The following BSG variants were observed in gnomAD, a reference collection of about 807,000 sequenced individuals.
The protein encoded by BSG is basigin (Ok blood group).
Under a neutral mutation model 43.1 loss-of-function variants are expected in BSG, and 37 were observed. That is an observed-to-expected ratio of 0.86 (90% CI 0.66 to 1.13). BSG has a LOEUF of 1.13. BSG is among the 50% of genes most tolerant of loss of function. The probability of loss-of-function intolerance (pLI) is 0.00; values close to 1 mark genes in which losing one functional copy is unlikely to be tolerated. For missense variants in BSG, 599 were observed against 554.2 expected, an observed-to-expected ratio of 1.08 and a Z score of -0.81; for synonymous variants, 309 against 238.7, an observed-to-expected ratio of 1.29 and a Z score of -2.72.
intron 1 of BSG, among the ~76,000 whole-genome samples, chr19:575,859 G>A (rs991002747): frequency 3.9e-5 from 6 of 151,992 alleles, no homozygotes; most frequent in Admixed American, 6.5e-5. Flanking sequence ...CTCCTGGTGC[G>A]GCGGGCGAGA....
chr19:578,823 C>A (rs771859930), intron 2 of BSG: 1 of 351,704 alleles, frequency 2.8e-6, no homozygotes, highest in Non-Finnish European at 5.6e-6. Context: ...TTCCGCCTCC[C>A]GGGTTCAAGC....
Position 580,728 on chromosome 19 carries a change from C to T in BSG, c.738C>T (p.Ser246=), listed in dbSNP as rs565486775. The part of the protein sequence containing the change: ...ETAMLVCKSE[S]VPPVTDWAWY... ...CCATGCTGGTCTGCAAGTCAGAGTC[C>T]GTGCCACCTGTCACTGACTGGGCCT... Residue 246 remains serine, a synonymous_variant, in exon 5 of 9, where the codon TCC becomes TCT. Coordinates refer to ENST00000333511, the MANE Select transcript of BSG (RefSeq NM_001728.4). 8 of 1,612,718 alleles carry T rather than the reference C, an allele frequency of 5.0e-6. No individual in the cohort carries two copies. The African/African-American group carries it at 8.0e-5, about 16-fold the overall frequency.
chr19:580,783 G>T lies in BSG; in HGVS notation c.792+1G>T. The T allele has an allele frequency of 6.2e-7, 1 of 1,612,776 alleles. No homozygotes were observed. On this transcript the variant is annotated splice_donor_variant, in intron 5 of 8. Transcript: ENST00000333511. LOFTEE classifies it high-confidence loss of function. ...CAAGATCACTGACTCTGAGGACAAG[G>T]TGAGAAGCCAAGGAGGCTGGGGGTC...
chr19:572,868 A>G (rs573330257), intron 1 of BSG, among the ~76,000 whole-genome samples, 167 bp downstream of exon 1: 2 of 152,058 alleles, frequency 1.3e-5, no homozygotes, highest in African/African-American at 4.8e-5. Context: ...TTGGGGGTGA[A>G]GTCCCAGGGT....
intron 1 of BSG, among the ~76,000 whole-genome samples, chr19:573,008 C>T (rs1981413180): frequency 6.6e-6 from 1 of 151,958 alleles, no homozygotes; most frequent in Non-Finnish European, 1.5e-5. Context: ...GGGTCCTGGC[C>T]AGGCCGGTCT....
chr19:579,462 C>A, intron 2 of BSG, 38 bp from the exon 3 acceptor site: 1 of 1,610,438 alleles, frequency 6.2e-7, no homozygotes, highest in South Asian at 1.1e-5. Context: ...GGGCCGTGCT[C>A]CTCCACTCTG....
At chr19:571,314 A>AGCCCTTCGCGTTCG (rs28989768), upstream of BSG, 575 of 587,344 alleles carry the variant, frequency 9.8e-4, 4 homozygotes, top group African/African-American at 7.9e-3. Flanking sequence ...CTTTCCAGTT[A>AGCCCTTCGCGTTCG]GCCCTTCGCG....
At chr19:580,249 T>C (rs1450789840) in intron 3 of BSG, 130 bp from the exon 4 acceptor site, 4 of 786,038 alleles carry the variant, frequency 5.1e-6, no homozygotes, top group African/African-American at 3.5e-5. Context: ...AGGAGTTCTT[T>C]TGAGGTTCAG....
upstream of BSG, among the ~76,000 whole-genome samples, chr19:571,899 T>A (rs1327331017): frequency 6.6e-6 from 1 of 151,992 alleles, no homozygotes; most frequent in Non-Finnish European, 1.5e-5. Context: ...GGGGGTAAGG[T>A]TGATTGACAA....
At chr19:572,751 G>T in intron 1 of BSG, 50 bp downstream of exon 1, 1 of 1,392,202 alleles carries the variant, frequency 7.2e-7, no homozygotes, top group Non-Finnish European at 9.4e-7. Context: ...GGCCGGGAAT[G>T]GAGGCCGCGG....
rs549983564 is a variant in BSG, at chr19:579,405, C to T, written c.416-95C>T. ...TGTATTTTTGGGATGAAAACCAGTC[C>T]TTCCCGGGGAGGAGCCGCAGGTTCC... On this transcript the variant is annotated intron_variant, in intron 2 of 8. Transcript: ENST00000333511. The T allele has an allele frequency of 2.6e-5, 40 of 1,541,154 alleles. No homozygotes were observed. The Middle Eastern group carries it at 5.1e-4, about 19-fold the overall frequency.
At chr19:573,898 T>C (rs891099357) in intron 1 of BSG, among the ~76,000 whole-genome samples, 2 of 152,244 alleles carry the variant, frequency 1.3e-5, no homozygotes, top group Non-Finnish European at 2.9e-5. Flanking sequence ...AAGCATGACA[T>C]CCTTTCTTGC....
upstream of BSG, chr19:571,786 G>A: frequency 1.7e-6 from 1 of 589,378 alleles, no homozygotes. Context: ...TCCTTTCCCT[G>A]TTGGCTGGGG....
At position 574,403 on chromosome 19, in the gene BSG, A is replaced by G. The variant is rs987500594; in HGVS notation, c.67+1702A>G. 2.6e-5 allele frequency among the ~76,000 whole-genome samples: 4 copies of G among 152,076 alleles called. No homozygotes were observed. The South Asian group carries it at 6.2e-4, about 24-fold the overall frequency. On this transcript the variant is annotated intron_variant, in intron 1 of 8. Coordinates refer to ENST00000333511, the MANE Select transcript of BSG (RefSeq NM_001728.4). ...CCCGTCTCTACTAAAAATACAAAAA[A>G]TTAGCCTGGCGTGGTGGCGGGCGCC...
rs956864810 is a variant in BSG at position 580,014 on chromosome 19, G to C, written c.572+358G>C. On this transcript the variant is annotated intron_variant, in intron 3 of 8. Coordinates refer to ENST00000333511, the MANE Select transcript of BSG (RefSeq NM_001728.4). ...TGAGGCATGCCCTGCTCGGACCCCA[G>C]ACGCTGTCATGGCCGGAGCTTTGTC... 3.9e-5 allele frequency: 16 copies of C among 411,308 alleles called. No homozygotes were observed. In the Admixed American group the frequency reaches 4.2e-4, roughly 11 times the overall value. 25.5% of individuals were successfully genotyped at this position (411,308 alleles called of 1,614,324 possible).
upstream of BSG, chr19:572,576 C>T (rs1355855453): frequency 5.6e-6 from 8 of 1,428,908 alleles, no homozygotes; most frequent in Admixed American, 2.6e-5. Flanking sequence ...CTTTTTATAG[C>T]GGCCGCGGGC....
intron 1 of BSG, among the ~76,000 whole-genome samples, chr19:573,222 C>T (rs1831824434): frequency 1.3e-5 from 2 of 152,150 alleles, no homozygotes; most frequent in African/African-American, 2.4e-5. Context: ...CTGCCCAACC[C>T]GTCCTGCTGG....
Position 578,008 on chromosome 19 carries a change from A to G in BSG, c.302A>G (p.Glu101Gly), listed in dbSNP as rs760784169. The part of the protein sequence containing the change: ...STISIDTLVE[E>G]DTGTYECRAS... ...ATCTCCATCGACACGCTCGTGGAGGAGGACACGGGCACTTACGAGTGCCGG... is the reference window on the plus strand; with the variant it reads ...ATCTCCATCGACACGCTCGTGGAGGGGGACACGGGCACTTACGAGTGCCGG... The change falls in exon 2 of 9, where the codon GAG becomes GGG. Residue 101 changes from glutamate to glycine, a missense_variant. By Grantham distance (98) the Glu-to-Gly change is moderately conservative. Transcript: ENST00000333511. The G allele has an allele frequency of 6.2e-7, 1 of 1,612,082 alleles. No individual in the cohort carries two copies. Among genetic ancestry groups the G allele is most frequent in the Non-Finnish European group, 8.5e-7 (1 of 1,179,662 alleles).
rs930755243 is a variant in BSG at position 582,721 on chromosome 19, C to T, written c.*6-29C>T. 3 of 905,880 alleles carry T rather than the reference C, an allele frequency of 3.3e-6. No homozygotes were observed. The African/African-American group carries it at 5.0e-5, about 15-fold the overall frequency. The allele number at this position is 905,880 out of a possible 1,614,324, so 56.1% of individuals were successfully genotyped here. A position where few individuals can be genotyped will look rare whatever the true frequency, so the allele number is the denominator to read the frequency against. The stretch of plus-strand genomic sequence containing the variant: ...GCCTGTGGGTCGCTGGGAGGTGGGT[C>T]CAGTCTGAGCGCCCCTCCCTGTCCA... On this transcript the variant is annotated intron_variant, in intron 8 of 8. Coordinates refer to ENST00000333511, the MANE Select transcript of BSG (RefSeq NM_001728.4).
Sources: allele counts gnomAD v4.1 joint callset (sites outside exome capture counted in the v4.1 genomes callset), GRCh38; gene constraint gnomAD v4.1.1; transcripts MANE v1.5; gene names NCBI Gene and HGNC (gene_info 2026-07-23, HGNC 2026-07-21).